DRAM1: variants seen among roughly 807,000 people sequenced by gnomAD.
DRAM1 encodes DNA damage-regulated autophagy modulator protein 1.
In DRAM1, 25 loss-of-function variants were observed where a neutral mutation model predicts 28.5. The observed-to-expected ratio is 0.88, with a 90% CI of 0.64 to 1.23. The LOEUF (loss-of-function observed/expected upper bound fraction) is 1.23. Ranked by LOEUF, DRAM1 falls within the 50% of genes most tolerant of loss-of-function variation. The pLI is 0.00. For missense variants in DRAM1, 249 were observed against 299.2 expected (o/e 0.83, Z 1.24); for synonymous variants, 113 against 114.2 (o/e 0.99, Z 0.07).
chr12:101,906,169 A>C (rs1305063007), intron 3 of DRAM1, among the ~76,000 whole-genome samples: 1 of 152,178 alleles, frequency 6.6e-6, no homozygotes, highest in Non-Finnish European at 1.5e-5. Flanking sequence ...AACACCAATC[A>C]TGTAATCAAT....
intron 1 of DRAM1, among the ~76,000 whole-genome samples, chr12:101,881,253 C>G (rs1279706589): frequency 6.6e-6 from 1 of 152,198 alleles, no homozygotes; most frequent in African/African-American, 2.4e-5. Context: ...GCACTCCAGT[C>G]TGGGTGACTG....
chr12:101,897,717 T>C lies in DRAM1; in HGVS notation c.132-146T>C, dbSNP rs540069249. The C allele has an allele frequency of 3.8e-5, 24 of 634,478 alleles. 1 individual carries two copies. The South Asian group carries it at 4.7e-4, about 12-fold the overall frequency. 39.3% of individuals were successfully genotyped at this position (634,478 alleles called of 1,614,324 possible). On this transcript the variant is annotated intron_variant, in intron 1 of 6. Transcript: ENST00000258534. The stretch of plus-strand genomic sequence containing the variant: ...TTTCAGAGCCAAAATGAAAATACTT[T>C]AGAACAAAATCAGGCCAAATCTTTG...
Position 101,908,153 on chromosome 12 carries a change from C to T in DRAM1, c.343-33C>T, listed in dbSNP as rs942203138. 6.4e-6 allele frequency: 10 copies of T among 1,569,544 alleles called. No individual in the cohort carries two copies. In the South Asian group the frequency reaches 1.2e-4, roughly 19 times the overall value. On this transcript the variant is annotated intron_variant, in intron 3 of 6. Coordinates refer to ENST00000258534, the MANE Select transcript of DRAM1 (RefSeq NM_018370.3). ...GCGGTTCGATGTTGACAAACCCACCCAGAGTAACACACATTTATGACTTTT... is the reference window on the plus strand; with the variant it reads ...GCGGTTCGATGTTGACAAACCCACCTAGAGTAACACACATTTATGACTTTT...
chr12:101,904,941 C>T (rs1297947820), intron 3 of DRAM1, among the ~76,000 whole-genome samples: 1 of 152,186 alleles, frequency 6.6e-6, no homozygotes, highest in Non-Finnish European at 1.5e-5. Context: ...TTCACCTAAG[C>T]TGGAATGCAA....
intron 5 of DRAM1, among the ~76,000 whole-genome samples, chr12:101,916,043 A>C (rs1874232364): frequency 6.6e-6 from 1 of 152,218 alleles, no homozygotes; most frequent in South Asian, 2.1e-4. Context: ...CACAAGAATG[A>C]AGTGGCATGA....
chr12:101,907,014 C>T (rs963167048), intron 3 of DRAM1, among the ~76,000 whole-genome samples: 1 of 151,156 alleles, frequency 6.6e-6, no homozygotes, highest in South Asian at 2.1e-4. Flanking sequence ...ATGGCAGGGA[C>T]AGGGAACTTG....
intron 1 of DRAM1, among the ~76,000 whole-genome samples, chr12:101,879,346 C>T (rs1872609554): frequency 6.6e-6 from 1 of 152,198 alleles, no homozygotes; most frequent in Non-Finnish European, 1.5e-5. Flanking sequence ...TAGAATAGTG[C>T]AAATTTGCAG....
chr12:101,902,327 T>C (rs1217706626), intron 3 of DRAM1, among the ~76,000 whole-genome samples: 1 of 152,212 alleles, frequency 6.6e-6, no homozygotes, highest in Admixed American at 6.5e-5. Flanking sequence ...AGGTTAATAC[T>C]TGCCTAAGAT....
chr12:101,906,854 C>CAA lies in DRAM1; in HGVS notation c.343-1314_343-1313dup, dbSNP rs751751554. Reference sequence around the variant, plus strand: ...TGGGTGACAGAGCAAGACTCTGCCTCAAAAAAAAAAAAAAAAAAAGAAAAG... The same window carrying CAA: ...TGGGTGACAGAGCAAGACTCTGCCTCAAAAAAAAAAAAAAAAAAAAAGAAAAG... On this transcript the variant is annotated intron_variant, in intron 3 of 6. Transcript: ENST00000258534. 5.0e-4 allele frequency among the ~76,000 whole-genome samples: 34 copies of CAA among 67,472 alleles called. 1 individual carries two copies. Among genetic ancestry groups the CAA allele is most frequent in the Admixed American group, 1.3e-3 (7 of 5,266 alleles). 44.3% of individuals were successfully genotyped at this position (67,472 alleles called of 152,430 possible).
At chr12:101,909,477 T>C (rs1180149711) in intron 4 of DRAM1, among the ~76,000 whole-genome samples, 1 of 152,146 alleles carries the variant, frequency 6.6e-6, no homozygotes, top group African/African-American at 2.4e-5. Context: ...AATATTGATA[T>C]TGTACTCAAA....
chr12:101,912,684 C>T (rs891720659), intron 4 of DRAM1, among the ~76,000 whole-genome samples: 2 of 151,536 alleles, frequency 1.3e-5, no homozygotes, highest in East Asian at 1.9e-4. Flanking sequence ...AGAGAGATGA[C>T]GCTGACTCTG....
intron 3 of DRAM1, among the ~76,000 whole-genome samples, chr12:101,904,323 C>T (rs958010232): frequency 1.4e-5 from 2 of 139,986 alleles, no homozygotes; most frequent in African/African-American, 5.2e-5. Context: ...AAAATAAAAA[C>T]TTTTAAAGTT....
At chr12:101,914,276 T>G in intron 5 of DRAM1, 44 bp downstream of exon 5, 1 of 1,510,340 alleles carries the variant, frequency 6.6e-7, no homozygotes, top group Non-Finnish European at 9.1e-7. Flanking sequence ...GACGTGGTTA[T>G]GTGAGCTTGT....
intron 5 of DRAM1, among the ~76,000 whole-genome samples, chr12:101,915,618 C>G (rs1054824307): frequency 6.6e-6 from 1 of 151,842 alleles, no homozygotes; most frequent in African/African-American, 2.4e-5. Flanking sequence ...TCTCGGCTCA[C>G]TGCAACCTCT....
intron 1 of DRAM1, among the ~76,000 whole-genome samples, chr12:101,896,392 G>C (rs1303657802): frequency 6.6e-6 from 1 of 152,166 alleles, no homozygotes; most frequent in South Asian, 2.1e-4. Context: ...GTTGTTTCAT[G>C]TTGGGAGCTC....
At chr12:101,899,762 C>T (rs1469341536) in intron 2 of DRAM1, among the ~76,000 whole-genome samples, 5 of 152,072 alleles carry the variant, frequency 3.3e-5, no homozygotes, top group Admixed American at 6.6e-5. Flanking sequence ...AGATTATGGC[C>T]GTCATACTAT....
rs540656007 is a variant in DRAM1 at position 101,907,672 on chromosome 12, G to C, written c.343-514G>C. On this transcript the variant is annotated intron_variant, in intron 3 of 6. Transcript: ENST00000258534. ...GAGAATTGCTTGAACCTGGGTGGCG[G>C]AGGTTGCAGTGAGCCGAGTTCATGT... Among the ~76,000 whole-genome samples, 16 of 152,290 alleles carry C rather than the reference G, an allele frequency of 1.1e-4. No homozygotes were observed. The South Asian group carries it at 3.3e-3, about 32-fold the overall frequency.
chr12:101,910,479 GTTTTTTTTTTT>G (rs772877223), intron 4 of DRAM1, among the ~76,000 whole-genome samples: 2 of 139,274 alleles, frequency 1.4e-5, no homozygotes, highest in Non-Finnish European at 3.1e-5. Flanking sequence ...TTTCTAGAAA[GTTTTTTTTTTT>G]TTTTTGAGAC....
chr12:101,914,871 T>A lies in DRAM1; in HGVS notation c.579+639T>A, dbSNP rs577572044. Among the ~76,000 whole-genome samples, 3 of 152,194 alleles carry A rather than the reference T, an allele frequency of 2.0e-5. No homozygotes were observed. The South Asian group carries it at 6.2e-4, about 32-fold the overall frequency. On this transcript the variant is annotated intron_variant, in intron 5 of 6. Transcript: ENST00000258534. ...AGGGTTTTTCCCATGTTGACCAGGC[T>A]GGTTTGGAGCTCCTGGCCTCAAGTG...
Sources: allele counts gnomAD v4.1 joint callset (sites outside exome capture counted in the v4.1 genomes callset), GRCh38; gene constraint gnomAD v4.1.1; transcripts MANE v1.5; gene names NCBI Gene and HGNC (gene_info 2026-07-23, HGNC 2026-07-21).